Variants in TGM3 observed in about 807,000 individuals in gnomAD.
The protein encoded by TGM3 is transglutaminase 3.
TGM3 carries 52 observed loss-of-function variants against 73.8 expected under a neutral mutation model. The observed-to-expected ratio is 0.70, with a 90% CI of 0.56 to 0.89. TGM3 has a LOEUF of 0.89. TGM3 is among the 40% of genes least tolerant of loss of function. The pLI is 0.00. For missense variants in TGM3, 928 were observed against 909.9 expected (o/e 1.02, Z -0.26); for synonymous variants, 372 against 354.9 (o/e 1.05, Z -0.54).
At chr20:2,309,599 C>T in intron 1 of TGM3, 58 bp from the exon 2 acceptor site, 1 of 1,582,572 alleles carries the variant, frequency 6.3e-7, no homozygotes, top group Non-Finnish European at 8.6e-7. Context: ...TTACACCCTT[C>T]CCCCACACCA....
chr20:2,317,026 G>T, intron 5 of TGM3, 42 bp from the exon 6 acceptor site: 1 of 1,605,500 alleles, frequency 6.2e-7, no homozygotes, highest in Non-Finnish European at 8.5e-7. Context: ...CCTAGGAAAG[G>T]CATTAGTGCT....
intron 12 of TGM3, 53 bp downstream of exon 12, chr20:2,340,040 G>GGGGGGGGGGGC: frequency 2.1e-6 from 2 of 944,842 alleles, no homozygotes; most frequent in Non-Finnish European, 3.2e-6. Flanking sequence ...GGGCGGGGGG[G>GGGGGGGGGGGC]CCCTCCAGAT....
rs2122230479 is a variant in TGM3, at chr20:2,319,172, A to G, written c.983+1687A>G. 2.0e-5 allele frequency among the ~76,000 whole-genome samples: 3 copies of G among 152,278 alleles called. No individual in the cohort carries two copies. In the Middle Eastern group the frequency reaches 0.01, roughly 518 times the overall value. ...CAAAATCCCATCGCAACCAGCTCTGATCACTGGGGCTATGCCATTCCTAAC... is the reference window on the plus strand; with the variant it reads ...CAAAATCCCATCGCAACCAGCTCTGGTCACTGGGGCTATGCCATTCCTAAC... On this transcript the variant is annotated intron_variant, in intron 7 of 12. Transcript: ENST00000381458.
At chr20:2,318,080 T>C (rs214816) in intron 7 of TGM3, among the ~76,000 whole-genome samples, 114,433 of 151,790 alleles carry the variant, frequency 0.75, 44,205 homozygotes, top group East Asian at 0.96. Context: ...AGTGCAATGG[T>C]ACAATCTTGG....
At chr20:2,339,732 T>C in intron 11 of TGM3, 122 bp from the exon 12 acceptor site, 1 of 1,368,170 alleles carries the variant, frequency 7.3e-7, no homozygotes, top group Non-Finnish European at 1.0e-6. Flanking sequence ...CTAAATGGTC[T>C]CCCCTTCTTC....
intron 1 of TGM3, among the ~76,000 whole-genome samples, chr20:2,297,647 A>G (rs917063113): frequency 2.0e-5 from 3 of 152,200 alleles, no homozygotes; most frequent in Admixed American, 6.5e-5. Flanking sequence ...GAGAAAATCA[A>G]TTTTGAAAAG....
In TGM3 at chr20:2,302,401, GT is replaced by G. The variant is rs749494979; in HGVS notation, c.7+6334del. Among the ~76,000 whole-genome samples the G allele has an allele frequency of 7.4e-4, 112 of 152,250 alleles. 1 individual carries two copies. The highest frequency in any genetic ancestry group is 1.0e-3 in the Non-Finnish European group (69 of 68,024). On this transcript the variant is annotated intron_variant, in intron 1 of 12. Transcript: ENST00000381458. The stretch of plus-strand genomic sequence containing the variant: ...GTTATATTAACATATTTGTGATTAT[GT>G]TTGGCTGTGATTAACAGTGAACCCC...
intron 1 of TGM3, among the ~76,000 whole-genome samples, chr20:2,296,586 T>A (rs1299910026): frequency 1.3e-5 from 2 of 151,998 alleles, no homozygotes; most frequent in Admixed American, 1.3e-4. Flanking sequence ...TTAGGAATGC[T>A]CCTAAGTAAG....
chr20:2,320,604 C>T (rs1185337467), intron 7 of TGM3, among the ~76,000 whole-genome samples: 1 of 152,098 alleles, frequency 6.6e-6, no homozygotes, highest in Non-Finnish European at 1.5e-5. Context: ...TCACAGCAGC[C>T]AGTGGGGTAA....
At chr20:2,337,862 C>A (rs572662796) in intron 11 of TGM3, among the ~76,000 whole-genome samples, 1 of 152,178 alleles carries the variant, frequency 6.6e-6, no homozygotes, top group Non-Finnish European at 1.5e-5. Context: ...GTCTACTTAT[C>A]TTTAAGATAC....
chr20:2,340,033 C>CGGG, intron 12 of TGM3, 46 bp downstream of exon 12: 1 of 196,588 alleles, frequency 5.1e-6, no homozygotes, highest in Non-Finnish European at 9.7e-6. Context: ...CGGGAGGGGG[C>CGGG]GGGGGGGCCC....
intron 7 of TGM3, among the ~76,000 whole-genome samples, chr20:2,324,282 T>C (rs1035799863): frequency 6.6e-6 from 1 of 152,236 alleles, no homozygotes; most frequent in Non-Finnish European, 1.5e-5. Context: ...ATGAGCATAT[T>C]TTCCTTTATT....
chr20:2,296,079 A>G lies in TGM3; in HGVS notation c.7+9A>G, dbSNP rs1436264158. On this transcript the variant is annotated intron_variant, in intron 1 of 12. Transcript: ENST00000381458. The stretch of plus-strand genomic sequence containing the variant: ...AAGGCGAAACATGGCTGGTGAGTGC[A>G]TGGCATCTTCTCCATCAGGTCCTTG... 1.3e-6 allele frequency: 2 copies of G among 1,550,558 alleles called. No homozygotes were observed. The highest frequency in any genetic ancestry group is 1.7e-6 in the Non-Finnish European group (2 of 1,146,906).
chr20:2,333,317 A>C (rs3865535), intron 10 of TGM3, among the ~76,000 whole-genome samples: 106,733 of 151,894 alleles, frequency 0.7, 37,600 homozygotes, highest in East Asian at 0.77. Flanking sequence ...TTTTCAATAT[A>C]TGAAGCAACT....
chr20:2,322,890 A>G (rs914440672), intron 7 of TGM3, among the ~76,000 whole-genome samples: 1 of 152,236 alleles, frequency 6.6e-6, no homozygotes, highest in Non-Finnish European at 1.5e-5. Context: ...TTATAGAAAT[A>G]AGTAACATAA....
rs749665250 is a variant in TGM3, at chr20:2,313,002, C to T, written c.645C>T (p.Tyr215=). ...TGGCCAGCAGAAATGACCCCAAATA[C>T]GTTGGCCGGGTGCTGAGTGCCATGG... is the stretch of plus-strand genomic sequence containing the variant. ...TDVASRNDPK[Y]VGRVLSAMIN... The change falls in exon 5 of 13, where the codon TAC becomes TAT. Residue 215 remains tyrosine (Y), a synonymous_variant. Coordinates refer to ENST00000381458, the MANE Select transcript of TGM3 (RefSeq NM_003245.4). 16 of 1,614,058 alleles carry T rather than the reference C, an allele frequency of 9.9e-6. No individual in the cohort carries two copies. Among genetic ancestry groups the T allele is most frequent in the Middle Eastern group, 3.3e-4 (2 of 6,084 alleles).
At chr20:2,313,158 T>A in intron 5 of TGM3, 132 bp downstream of exon 5, 1 of 1,321,968 alleles carries the variant, frequency 7.6e-7, no homozygotes, top group Non-Finnish European at 1.0e-6. Context: ...GTTAGAACCA[T>A]CCACATTTTA....
Position 2,340,648 on chromosome 20 carries a change from A to T in TGM3, c.*67A>T. 6.3e-7 allele frequency: 1 copy of T among 1,599,996 alleles called. No individual in the cohort carries two copies. The highest frequency in any genetic ancestry group is 8.5e-7 in the Non-Finnish European group (1 of 1,170,244). On this transcript the variant is annotated 3_prime_UTR_variant, in exon 13 of 13. Transcript: ENST00000381458. ...GCAGGGAGAGCTCACCATGGAATGA[A>T]CCCCCCGCCCATGCTGTCCGGCCTG... is the stretch of plus-strand genomic sequence containing the variant.
chr20:2,312,387 A>G (rs1459731819), intron 4 of TGM3, among the ~76,000 whole-genome samples: 1 of 107,946 alleles, frequency 9.3e-6, no homozygotes, highest in African/African-American at 3.2e-5. Flanking sequence ...ACAGAGCAAG[A>G]CTCCGTCTCA....
Sources: allele counts gnomAD v4.1 joint callset (sites outside exome capture counted in the v4.1 genomes callset), GRCh38; gene constraint gnomAD v4.1.1; transcripts MANE v1.5; gene names NCBI Gene and HGNC (gene_info 2026-07-23, HGNC 2026-07-21).